UBE4B: variants seen among roughly 807,000 people sequenced by gnomAD.
UBE4B encodes the protein ubiquitin conjugation factor E4 B.
In UBE4B, 27 loss-of-function variants were observed where a neutral mutation model predicts 148.1. The ratio of observed to expected loss-of-function variants is 0.18; its 90% confidence interval spans 0.13 to 0.25. The LOEUF (loss-of-function observed/expected upper bound fraction) is 0.25, where lower values mean the gene tolerates loss of function less well. Among genes scored for constraint, UBE4B ranks in the 10% least tolerant of loss-of-function variants. The probability of loss-of-function intolerance (pLI) is 1.00; values close to 1 mark genes in which losing one functional copy is unlikely to be tolerated. For synonymous variants in UBE4B, 596 were observed against 619.3 expected, an observed-to-expected ratio of 0.96 and a Z score of 0.56; for missense variants, 1,170 against 1,662.4, an observed-to-expected ratio of 0.70 and a Z score of 5.15.
rs1352240489 is a variant in UBE4B at position 10,175,451 on chromosome 1, A to G, written c.3526-3193A>G. 2.6e-5 allele frequency among the ~76,000 whole-genome samples: 4 copies of G among 151,656 alleles called. No individual in the cohort carries two copies. The East Asian group carries it at 7.8e-4, about 29-fold the overall frequency. On this transcript the variant is annotated intron_variant, in intron 25 of 27. Coordinates refer to ENST00000343090, the MANE Select transcript of UBE4B (RefSeq NM_001105562.3). ...CGGATCACAAGGTCAGGAGATCGAG[A>G]CCGTCCTGGCTAACACGGTGAAACC...
At chr1:10,041,449 C>T (rs893712293) in intron 1 of UBE4B, among the ~76,000 whole-genome samples, 2 of 151,624 alleles carry the variant, frequency 1.3e-5, no homozygotes, top group African/African-American at 4.9e-5. Flanking sequence ...ATTCTCCTGC[C>T]TAAGCCTCCC....
chr1:10,142,437 G>A lies in UBE4B; in HGVS notation c.2364-2503G>A, dbSNP rs112145351. ...CCTGTAATCCCAACACTGGGAGGCC[G>A]AGGTGGGCAGATCACATGAGGTCAG... On this transcript the variant is annotated intron_variant, in intron 17 of 27. Coordinates refer to ENST00000343090, the MANE Select transcript of UBE4B (RefSeq NM_001105562.3). Among the ~76,000 whole-genome samples, 300 of 152,300 alleles carry A rather than the reference G, an allele frequency of 2.0e-3. 1 individual carries two copies. The highest frequency in any genetic ancestry group is 6.1e-3 in the African/African-American group (252 of 41,576).
chr1:10,076,817 ACT>A (rs973704792), intron 2 of UBE4B, among the ~76,000 whole-genome samples: 4 of 129,660 alleles, frequency 3.1e-5, no homozygotes, highest in African/African-American at 1.2e-4. Flanking sequence ...CATGATCTCG[ACT>A]CTCTGTAACC....
chr1:10,057,666 G>T (rs1264605429), intron 1 of UBE4B, among the ~76,000 whole-genome samples: 5 of 150,318 alleles, frequency 3.3e-5, no homozygotes, highest in Non-Finnish European at 1.5e-5. Flanking sequence ...GGAGGTTGAG[G>T]CTGCAGTGAG....
chr1:10,149,797 T>C (rs1193799787), intron 20 of UBE4B, among the ~76,000 whole-genome samples: 1 of 152,194 alleles, frequency 6.6e-6, no homozygotes, highest in Non-Finnish European at 1.5e-5. Context: ...ACAATTTCAA[T>C]CCCTTGGCAC....
chr1:10,100,801 G>A (rs559724678), intron 3 of UBE4B: 1 of 253,952 alleles, frequency 3.9e-6, no homozygotes, highest in African/African-American at 2.3e-5. Flanking sequence ...TGATCCACCT[G>A]CCTTGGCCTC....
intron 1 of UBE4B, among the ~76,000 whole-genome samples, chr1:10,067,941 G>T (rs1222561581): frequency 1.3e-5 from 2 of 151,708 alleles, no homozygotes; most frequent in African/African-American, 4.8e-5. Context: ...TGTTAACCAG[G>T]ATGGTCTCGA....
intron 1 of UBE4B, among the ~76,000 whole-genome samples, chr1:10,044,083 C>T (rs914412846): frequency 4.0e-5 from 6 of 151,600 alleles, no homozygotes; most frequent in Non-Finnish European, 8.8e-5. Flanking sequence ...CTGTTACTCA[C>T]GCTGGAGTGC....
intron 25 of UBE4B, among the ~76,000 whole-genome samples, chr1:10,177,421 T>C (rs1410815492): frequency 6.6e-6 from 1 of 151,976 alleles, no homozygotes; most frequent in Non-Finnish European, 1.5e-5. Context: ...ACTCAGGAGG[T>C]GGAGGCTTCA....
rs141613487 is a variant in UBE4B at position 10,091,589 on chromosome 1, T to C, written c.212-3872T>C. Among the ~76,000 whole-genome samples the C allele has an allele frequency of 3.6e-3, 547 of 152,094 alleles. 6 individuals carry two copies. Among genetic ancestry groups the C allele is most frequent in the African/African-American group, 0.012 (517 of 41,506 alleles). On this transcript the variant is annotated intron_variant, in intron 2 of 27. Coordinates refer to ENST00000343090, the MANE Select transcript of UBE4B (RefSeq NM_001105562.3). ...CCTCTCAAGTAGCTAAGATTACAGG[T>C]GCATGCCACCATGCCTAATTTTTAT...
At chr1:10,137,320 T>C (rs1645704145) in intron 17 of UBE4B, 115 bp downstream of exon 17, 5 of 1,356,118 alleles carry the variant, frequency 3.7e-6, no homozygotes, top group South Asian at 1.3e-5. Context: ...GTACGTTATA[T>C]AGTGTTCTGT....
In UBE4B at chr1:10,114,338, C is replaced by T. The variant is rs532716299; in HGVS notation, c.1197-3121C>T. ...TGAATGTTAGCAGCAGAGGAGGGAT[C>T]GCAGGTCTTGAAACTAACTAAAATT... On this transcript the variant is annotated intron_variant, in intron 7 of 27. Transcript: ENST00000343090. Among the ~76,000 whole-genome samples, 20 of 152,226 alleles carry T rather than the reference C, an allele frequency of 1.3e-4. No homozygotes were observed. The East Asian group carries it at 1.7e-3, about 13-fold the overall frequency.
At position 10,179,933 on chromosome 1, in the gene UBE4B, G is replaced by C. The variant is rs765741134; in HGVS notation, c.3886G>C (p.Glu1296Gln). ...LKEQIQAWMR[E>Q]KQNSDH ...AGAGCAGATTCAGGCGTGGATGAGA[G>C]AGAAACAGAACAGCGATCACTAAAC... Residue 1296 changes from glutamate to glutamine, a missense_variant, in exon 28 of 28, where the codon GAG (glutamate) becomes CAG (glutamine). Coordinates refer to ENST00000343090, the MANE Select transcript of UBE4B (RefSeq NM_001105562.3). 6.2e-7 allele frequency: 1 copy of C among 1,614,146 alleles called. No homozygotes were observed. Among genetic ancestry groups the C allele is most frequent in the Admixed American group, 1.7e-5 (1 of 60,014 alleles).
intron 14 of UBE4B, among the ~76,000 whole-genome samples, chr1:10,131,319 A>G (rs948076334): frequency 1.6e-4 from 25 of 152,068 alleles, no homozygotes; most frequent in African/African-American, 6.0e-4. Context: ...TCTACTAAAA[A>G]TACAAAAATT....
At chr1:10,087,562 T>C (rs1401285833) in intron 2 of UBE4B, among the ~76,000 whole-genome samples, 1 of 152,236 alleles carries the variant, frequency 6.6e-6, no homozygotes, top group African/African-American at 2.4e-5. Context: ...GAATGTCCCT[T>C]AATTTGGCTT....
chr1:10,147,899 C>T (rs1557596218), intron 19 of UBE4B, among the ~76,000 whole-genome samples: 1 of 152,036 alleles, frequency 6.6e-6, no homozygotes, highest in Non-Finnish European at 1.5e-5. Flanking sequence ...TGAGATTGGC[C>T]CAAGACCCGT....
At chr1:10,145,096 A>G in intron 18 of UBE4B, 57 bp downstream of exon 18, 2 of 1,409,340 alleles carry the variant, frequency 1.4e-6, no homozygotes, top group South Asian at 2.4e-5. Context: ...AATTTTCCCA[A>G]CAGAATATAT....
rs552109620 is a variant in UBE4B at position 10,127,254 on chromosome 1, A to G, written c.1638+377A>G. Among the ~76,000 whole-genome samples the G allele has an allele frequency of 2.0e-5, 3 of 152,258 alleles. No homozygotes were observed. The East Asian group carries it at 5.8e-4, about 29-fold the overall frequency. ...AAATAAAAAAGGCAAAGCTGTACATACTAAGAAAATGAATACAATTTTATC... is the reference window on the plus strand; with the variant it reads ...AAATAAAAAAGGCAAAGCTGTACATGCTAAGAAAATGAATACAATTTTATC... On this transcript the variant is annotated intron_variant, in intron 11 of 27. Transcript: ENST00000343090.
intron 4 of UBE4B, 97 bp downstream of exon 4, chr1:10,101,292 C>G: frequency 8.7e-7 from 1 of 1,150,532 alleles, no homozygotes; most frequent in Non-Finnish European, 1.3e-6. Flanking sequence ...CACCCGAAAT[C>G]AGGAAGTCCT....
Sources: allele counts gnomAD v4.1 joint callset (sites outside exome capture counted in the v4.1 genomes callset), GRCh38; gene constraint gnomAD v4.1.1; transcripts MANE v1.5; gene names NCBI Gene and HGNC (gene_info 2026-07-23, HGNC 2026-07-21).